The following SBK1 variants were observed in gnomAD, a reference collection of about 807,000 sequenced individuals.
The protein encoded by SBK1 is SH3 domain binding kinase 1, also known as serine/threonine-protein kinase SBK1.
A neutral mutation model predicts 24.4 loss-of-function variants in SBK1; 11 were observed. That is an observed-to-expected ratio of 0.45 (90% CI 0.28 to 0.75). The LOEUF (loss-of-function observed/expected upper bound fraction) is 0.75. SBK1 is among the 30% of genes least tolerant of loss of function. The pLI is 0.12. For missense variants in SBK1, 467 were observed against 620.5 expected (o/e 0.75, Z 2.63); for synonymous variants, 308 against 284.4 (o/e 1.08, Z -0.83).
At chr16:28,271,636 C>T (rs1227419396) in intron 1 of SBK1, among the ~76,000 whole-genome samples, 1 of 152,086 alleles carries the variant, frequency 6.6e-6, no homozygotes, top group Non-Finnish European at 1.5e-5. Context: ...GAGAATCTCG[C>T]AGTTCACACT....
chr16:28,306,751 C>T (rs2044719083), intron 1 of SBK1, among the ~76,000 whole-genome samples: 1 of 152,200 alleles, frequency 6.6e-6, no homozygotes, highest in African/African-American at 2.4e-5. Context: ...TTCCTCATCT[C>T]ACTATTCCCA....
chr16:28,316,208 A>C (rs893689982), intron 1 of SBK1, among the ~76,000 whole-genome samples: 1 of 152,074 alleles, frequency 6.6e-6, no homozygotes, highest in Non-Finnish European at 1.5e-5. Context: ...CCACATCTAT[A>C]CCATCCTGCC....
Position 28,317,502 on chromosome 16 carries a change from G to A in SBK1, c.111G>A (p.Gln37=). 1 of 1,614,180 alleles carries A rather than the reference G, an allele frequency of 6.2e-7. No individual in the cohort carries two copies. Among genetic ancestry groups the A allele is most frequent in the Non-Finnish European group, 8.5e-7 (1 of 1,180,032 alleles). ...TGCCCCTTCTCACTGAAGACATGCA[G>A]GCCCTGACTCTCCGCACACTGGCCG... ...AGVPLLTEDM[Q]ALTLRTLAAS... is the part of the protein sequence containing the mutation. Residue 37 remains glutamine (Q), a synonymous_variant, in exon 2 of 4, where the codon CAG becomes CAA. Transcript: ENST00000341901. The surrounding 1 kb of genome is among the most constrained non-coding windows in gnomAD (Gnocchi z 4.2).
chr16:28,319,008 A>G lies in SBK1; in HGVS notation c.240A>G (p.Ala80=). The change falls in exon 3 of 4, where the codon GCA becomes GCG. Residue 80 remains alanine (A), a synonymous_variant. Transcript: ENST00000341901. This position sits in a 1 kb window ranked among gnomAD's most constrained non-coding sequence, Gnocchi z 4.0. ...TGCTCCCATCAGGCACAAAAATGGCACTGAAGTTTGTGAACAAGAGCAAAA... is the reference window on the plus strand; with the variant it reads ...TGCTCCCATCAGGCACAAAAATGGCGCTGAAGTTTGTGAACAAGAGCAAAA... ...VVYKGTGTKM[A]LKFVNKSKTK... is the part of the protein sequence containing the mutation. The G allele has an allele frequency of 6.2e-7, 1 of 1,614,146 alleles. No individual in the cohort carries two copies. The highest frequency in any genetic ancestry group is 8.5e-7 in the Non-Finnish European group (1 of 1,179,998).
intron 1 of SBK1, among the ~76,000 whole-genome samples, chr16:28,315,465 T>C (rs974826767): frequency 1.3e-5 from 2 of 152,124 alleles, no homozygotes; most frequent in Non-Finnish European, 2.9e-5. Flanking sequence ...GTCACCCACA[T>C]GACAAGTCAG....
chr16:28,266,777 T>C (rs2044431550), intron 1 of SBK1, among the ~76,000 whole-genome samples: 1 of 150,416 alleles, frequency 6.6e-6, no homozygotes. Context: ...GATCTTGCTC[T>C]GTAGCCCAGG....
At chr16:28,274,872 G>A (rs1218340644) in intron 1 of SBK1, among the ~76,000 whole-genome samples, 1 of 152,196 alleles carries the variant, frequency 6.6e-6, no homozygotes, top group Non-Finnish European at 1.5e-5. Flanking sequence ...GGGAGAGGGA[G>A]TGGTTGGACA....
upstream of SBK1, among the ~76,000 whole-genome samples, chr16:28,287,680 G>C (rs554242929): frequency 6.6e-6 from 1 of 152,082 alleles, no homozygotes; most frequent in East Asian, 1.9e-4. Context: ...GCTTTGTTTT[G>C]AAAGACAGAG....
At position 28,320,272 on chromosome 16, in the gene SBK1, G is replaced by C; in HGVS notation, c.626G>C (p.Ser209Thr). The C allele has an allele frequency of 3.1e-6, 5 of 1,590,482 alleles. No homozygotes were observed. Among genetic ancestry groups the C allele is most frequent in the East Asian group, 2.3e-5 (1 of 44,426 alleles). ...GTGGGCTGCCGCGTCAAGCGCGTGA[G>C]CGGCACCATCCCTTACACGGCGCCT... ...RRVGCRVKRV[S>T]GTIPYTAPEV... The change falls in exon 4 of 4, where the codon AGC (serine) becomes ACC (threonine). Residue 209 changes from serine (S) to threonine (T), a missense_variant. Ser to Thr is a moderately conservative substitution (Grantham distance 58). Around this residue, in one of 4 missense-constraint regions of SBK1, gnomAD observed 92 missense variants for 193.8 expected, o/e 0.47. Coordinates refer to ENST00000341901, the MANE Select transcript of SBK1 (RefSeq NM_001024401.3). The surrounding 1 kb of genome is among the most constrained non-coding windows in gnomAD (Gnocchi z 8.5).
At chr16:28,299,819 C>T (rs985006450) in intron 1 of SBK1, among the ~76,000 whole-genome samples, 2 of 152,218 alleles carry the variant, frequency 1.3e-5, no homozygotes, top group Non-Finnish European at 2.9e-5. Flanking sequence ...GCCAGGTCCC[C>T]GCCATGGCCT....
intron 1 of SBK1, among the ~76,000 whole-genome samples, chr16:28,271,556 C>A (rs948992661): frequency 6.6e-6 from 1 of 151,952 alleles, no homozygotes; most frequent in African/African-American, 2.4e-5. Flanking sequence ...GACTCCGTCC[C>A]CCCACCCCCA....
intron 1 of SBK1, among the ~76,000 whole-genome samples, chr16:28,300,017 C>A (rs1011373924): frequency 1.3e-5 from 2 of 152,324 alleles, no homozygotes; most frequent in Non-Finnish European, 2.9e-5. Context: ...GCCTCCCACC[C>A]ACAATTCCCT....
At chr16:28,312,275 CAG>C (rs777570178) in intron 1 of SBK1, among the ~76,000 whole-genome samples, 6 of 152,240 alleles carry the variant, frequency 3.9e-5, no homozygotes, top group Non-Finnish European at 5.9e-5. Context: ...TGCACAGAAG[CAG>C]CCTTGCCTCT....
Position 28,321,214 on chromosome 16 carries a change from C to T in SBK1, c.*293C>T, listed in dbSNP as rs971308182. On this transcript the variant is annotated 3_prime_UTR_variant, in exon 4 of 4. Transcript: ENST00000341901. ...ACACACACACACACACACACACACA[C>T]ACACACACACACACACACACACACG... The T allele has an allele frequency of 3.6e-4, 69 of 191,538 alleles. No homozygotes were observed. The highest frequency in any genetic ancestry group is 1.3e-3 in the East Asian group (10 of 7,478). 11.9% of individuals were successfully genotyped at this position (191,538 alleles called of 1,614,324 possible). A position where few individuals can be genotyped will look rare whatever the true frequency, so the allele number is the denominator to read the frequency against.
At chr16:28,269,655 G>A (rs2044451811) in intron 1 of SBK1, among the ~76,000 whole-genome samples, 3 of 151,056 alleles carry the variant, frequency 2.0e-5, no homozygotes, top group Non-Finnish European at 4.4e-5. Flanking sequence ...ATCAGTTGAG[G>A]TCAGGAGTTT....
chr16:28,306,532 A>G (rs2044717778), intron 1 of SBK1, among the ~76,000 whole-genome samples: 3 of 152,192 alleles, frequency 2.0e-5, no homozygotes, highest in African/African-American at 4.8e-5. Flanking sequence ...AGTGGGAATG[A>G]GCCCACAAAT....
intron 1 of SBK1, among the ~76,000 whole-genome samples, chr16:28,268,649 G>A (rs983546331): frequency 2.0e-5 from 3 of 151,996 alleles, no homozygotes; most frequent in Non-Finnish European, 4.4e-5. Context: ...TGTAGTCCCA[G>A]CTACTCAGAA....
At chr16:28,303,270 G>A (rs1191296404) in intron 1 of SBK1, among the ~76,000 whole-genome samples, 2 of 152,096 alleles carry the variant, frequency 1.3e-5, no homozygotes, top group Non-Finnish European at 2.9e-5. Flanking sequence ...CTTGGCAGCT[G>A]TGTTGAGAGG....
At chr16:28,283,224 C>A (rs753941744) in intron 1 of SBK1, among the ~76,000 whole-genome samples, 1 of 152,276 alleles carries the variant, frequency 6.6e-6, no homozygotes, top group East Asian at 1.9e-4. Flanking sequence ...AGCCACCGCG[C>A]CCGACCATAC....
Sources: gnomAD v4.1 joint callset for allele counts (sites outside exome capture counted in the v4.1 genomes callset) on GRCh38, gnomAD v4.1.1 for gene constraint, gnomAD v4.1.1 regional missense constraint, Gnocchi (gnomAD v3.1) non-coding constraint, MANE v1.5 for transcripts, NCBI Gene and HGNC (gene_info 2026-07-23, HGNC 2026-07-21) for gene names.